Variants in CTNNA2 observed in about 807,000 individuals in gnomAD.
The protein encoded by CTNNA2 is catenin alpha 2.
Under a neutral mutation model 101.0 loss-of-function variants are expected in CTNNA2, and 42 were observed. The observed-to-expected ratio is 0.42, with a 90% CI of 0.32 to 0.54. CTNNA2 has a LOEUF of 0.54. Among genes scored for constraint, CTNNA2 ranks in the 20% least tolerant of loss-of-function variants. CTNNA2 has a pLI of 0.14. For missense variants in CTNNA2, 871 were observed against 1,223.1 expected, an observed-to-expected ratio of 0.71 and a Z score of 4.29; for synonymous variants, 450 against 456.4, an observed-to-expected ratio of 0.99 and a Z score of 0.18.
intron 1 of CTNNA2, among the ~76,000 whole-genome samples, chr2:79,593,242 T>A (rs545715938): frequency 1.3e-5 from 2 of 152,302 alleles, no homozygotes; most frequent in African/African-American, 4.8e-5. Flanking sequence ...AATTCCATCA[T>A]CAGCATGTTC....
intron 4 of CTNNA2, among the ~76,000 whole-genome samples, chr2:79,398,467 G>A (rs948144915): frequency 6.6e-6 from 1 of 152,124 alleles, no homozygotes; most frequent in South Asian, 2.1e-4. Flanking sequence ...AGTAGGTCTG[G>A]GTTGGGTCCC....
intron 4 of CTNNA2, among the ~76,000 whole-genome samples, chr2:79,430,514 A>G (rs558644125): frequency 6.6e-5 from 10 of 152,222 alleles, no homozygotes; most frequent in Non-Finnish European, 1.2e-4. Flanking sequence ...AAAATTACAC[A>G]CCAACCAACC....
intron 9 of CTNNA2, among the ~76,000 whole-genome samples, chr2:80,538,895 T>C (rs1348163049): frequency 2.0e-5 from 3 of 152,330 alleles, no homozygotes; most frequent in Middle Eastern, 3.4e-3. Context: ...TTCTCTCTTA[T>C]TTCCTTGAGC....
At chr2:79,338,575 A>ATCTTCTTTTTCCTCTTCT (rs1239699778) in intron 3 of CTNNA2, among the ~76,000 whole-genome samples, 2,578 of 115,480 alleles carry the variant, frequency 0.022, 73 homozygotes, top group East Asian at 0.061. Flanking sequence ...CTTCCTCCTC[A>ATCTTCTTTTTCCTCTTCT]TCATCTTCTT....
intron 7 of CTNNA2, among the ~76,000 whole-genome samples, chr2:80,119,377 A>G (rs1368745629): frequency 2.0e-5 from 3 of 152,170 alleles, no homozygotes; most frequent in Non-Finnish European, 1.5e-5. Flanking sequence ...GATTGGGGAG[A>G]CATAGCTGGC....
At chr2:79,834,511 A>T (rs529435231) in intron 3 of CTNNA2, among the ~76,000 whole-genome samples, 1 of 152,144 alleles carries the variant, frequency 6.6e-6, no homozygotes, top group South Asian at 2.1e-4. Flanking sequence ...TTCAGTTGGT[A>T]TGCTTTTCAT....
chr2:80,083,594 G>A (rs747751798), intron 7 of CTNNA2, among the ~76,000 whole-genome samples: 8 of 152,126 alleles, frequency 5.3e-5, no homozygotes, highest in Non-Finnish European at 7.4e-5. Flanking sequence ...AAGCATTCCT[G>A]TATTCTCTTC....
chr2:80,029,041 T>C lies in CTNNA2; in HGVS notation c.1056+119244T>C, dbSNP rs201074771. On this transcript the variant is annotated intron_variant, in intron 7 of 18. Coordinates refer to ENST00000402739, the MANE Select transcript of CTNNA2 (RefSeq NM_001282597.3). ...ACATTTGCATTCTGCCATTATTCTC[T>C]GAGAAGGGACCTTTGAACTGAGTCC... Among the ~76,000 whole-genome samples, 13 of 152,330 alleles carry C rather than the reference T, an allele frequency of 8.5e-5. No homozygotes were observed. In the East Asian group the frequency reaches 2.5e-3, roughly 29 times the overall value.
intron 7 of CTNNA2, among the ~76,000 whole-genome samples, chr2:80,223,424 G>A (rs1458140064): frequency 3.9e-5 from 6 of 152,176 alleles, no homozygotes; most frequent in Non-Finnish European, 8.8e-5. Flanking sequence ...ATAGGCATGA[G>A]CCACCATGCC....
At chr2:80,297,627 C>T (rs1197354868) in intron 7 of CTNNA2, among the ~76,000 whole-genome samples, 1 of 151,962 alleles carries the variant, frequency 6.6e-6, no homozygotes, top group African/African-American at 2.4e-5. Context: ...CCTCCTGAAT[C>T]CCAGAAAAAC....
intron 7 of CTNNA2, among the ~76,000 whole-genome samples, chr2:80,006,021 T>C (rs971558494): frequency 6.6e-6 from 1 of 152,176 alleles, no homozygotes; most frequent in African/African-American, 2.4e-5. Flanking sequence ...CATAATCCAT[T>C]GCTATTTAGA....
intron 9 of CTNNA2, among the ~76,000 whole-genome samples, chr2:80,433,766 C>T (rs547335284): frequency 2.6e-5 from 4 of 152,298 alleles, no homozygotes; most frequent in African/African-American, 9.6e-5. Context: ...CCTCCTGTCA[C>T]CAGAAACCTT....
chr2:79,380,972 T>C (rs1678032110), intron 4 of CTNNA2, among the ~76,000 whole-genome samples: 1 of 152,144 alleles, frequency 6.6e-6, no homozygotes, highest in Non-Finnish European at 1.5e-5. Context: ...TCAGGCAAAA[T>C]TTTGAAGAAA....
chr2:79,469,647 C>G (rs544847783), intron 4 of CTNNA2, among the ~76,000 whole-genome samples: 1 of 152,208 alleles, frequency 6.6e-6, no homozygotes, highest in Admixed American at 6.5e-5. Context: ...ACTGGCAAAC[C>G]GAATCCAGCA....
At chr2:79,599,340 T>C (rs1677399848) in intron 1 of CTNNA2, among the ~76,000 whole-genome samples, 1 of 152,156 alleles carries the variant, frequency 6.6e-6, no homozygotes, top group South Asian at 2.1e-4. Context: ...AACCTATAAG[T>C]ATTAAGGATA....
chr2:79,786,360 C>CT (rs1450475343), intron 3 of CTNNA2, among the ~76,000 whole-genome samples: 1 of 151,830 alleles, frequency 6.6e-6, no homozygotes, highest in Non-Finnish European at 1.5e-5. Context: ...AGAAAATGAC[C>CT]TTTTTCCCCC....
At chr2:80,106,561 T>C (rs1700902069) in intron 7 of CTNNA2, among the ~76,000 whole-genome samples, 1 of 152,154 alleles carries the variant, frequency 6.6e-6, no homozygotes, top group Non-Finnish European at 1.5e-5. Context: ...CAGAACACAC[T>C]CCACAAGTAG....
At chr2:80,448,150 G>A (rs1432074737) in intron 9 of CTNNA2, among the ~76,000 whole-genome samples, 1 of 152,072 alleles carries the variant, frequency 6.6e-6, no homozygotes, top group Admixed American at 6.5e-5. Context: ...TTTCTAATTT[G>A]GCCCAATCAC....
In CTNNA2 at chr2:80,150,303, A is replaced by G. The variant is rs73940974; in HGVS notation, c.1056+240506A>G. On this transcript the variant is annotated intron_variant, in intron 7 of 18. Transcript: ENST00000402739. ...TTCACAATTCCATCTCAAACTTTAC[A>G]TCCTCTCAGGGACCCTGACTTTAGC... 2.1e-3 allele frequency among the ~76,000 whole-genome samples: 317 copies of G among 152,056 alleles called. 1 individual carries two copies. Among genetic ancestry groups the G allele is most frequent in the African/African-American group, 7.2e-3 (299 of 41,478 alleles).
Sources: allele counts gnomAD v4.1 joint callset (sites outside exome capture counted in the v4.1 genomes callset), GRCh38; gene constraint gnomAD v4.1.1; transcripts MANE v1.5; gene names NCBI Gene and HGNC (gene_info 2026-07-23, HGNC 2026-07-21).